CNBD1: variants seen among roughly 807,000 people sequenced by gnomAD.
The protein encoded by CNBD1 is cyclic nucleotide-binding domain-containing protein 1.
CNBD1 carries 71 observed loss-of-function variants against 54.4 expected under a neutral mutation model. That is an observed-to-expected ratio of 1.30 (90% CI 1.08 to 1.59). The LOEUF (loss-of-function observed/expected upper bound fraction) is 1.59. Ranked by LOEUF, CNBD1 falls within the 40% of genes most tolerant of loss-of-function variation. The pLI, the probability that CNBD1 is intolerant of heterozygous loss-of-function variation, is 0.00. For synonymous variants in CNBD1, 182 were observed against 170.7 expected (o/e 1.07, Z -0.51); for missense variants, 659 against 518.0 (o/e 1.27, Z -2.64).
intron 2 of CNBD1, among the ~76,000 whole-genome samples, chr8:86,891,172 T>A (rs1437418324): frequency 1.3e-5 from 2 of 152,048 alleles, no homozygotes; most frequent in East Asian, 1.9e-4. Flanking sequence ...CTTAGACCAA[T>A]GTCATGGAAC....
intron 3 of CNBD1, among the ~76,000 whole-genome samples, chr8:86,925,592 A>C (rs1809345521): frequency 6.6e-6 from 1 of 150,928 alleles, no homozygotes; most frequent in African/African-American, 2.4e-5. Flanking sequence ...GGAACTGATA[A>C]AGGAAAAAAG....
chr8:87,029,274 G>C (rs898649018), intron 4 of CNBD1, among the ~76,000 whole-genome samples: 1 of 152,114 alleles, frequency 6.6e-6, no homozygotes, highest in African/African-American at 2.4e-5. Context: ...GTGGAGCATA[G>C]TGCAGTATTA....
At chr8:87,152,693 CAT>C (rs1348809465) in intron 4 of CNBD1, among the ~76,000 whole-genome samples, 5 of 152,212 alleles carry the variant, frequency 3.3e-5, no homozygotes, top group Non-Finnish European at 2.9e-5. Context: ...TCCATCCTCA[CAT>C]GTGTTTCACA....
At chr8:87,296,957 C>T (rs1250123891) in intron 8 of CNBD1, among the ~76,000 whole-genome samples, 4 of 151,812 alleles carry the variant, frequency 2.6e-5, no homozygotes, top group Admixed American at 1.3e-4. Flanking sequence ...GGGCGGATCA[C>T]GAAGTCGGGA....
intron 9 of CNBD1, 56 bp from the exon 10 acceptor site, chr8:87,353,580 T>C (rs1042993829): frequency 2.6e-6 from 3 of 1,145,570 alleles, no homozygotes; most frequent in Non-Finnish European, 3.8e-6. Flanking sequence ...AAAACAATAC[T>C]GATTCATTAT....
In CNBD1 at chr8:87,077,956, T is replaced by C. The variant is rs563902194; in HGVS notation, c.432-128037T>C. 2.1e-4 allele frequency among the ~76,000 whole-genome samples: 32 copies of C among 152,192 alleles called. 1 individual carries two copies. The South Asian group carries it at 6.7e-3, about 32-fold the overall frequency. On this transcript the variant is annotated intron_variant, in intron 4 of 10. Coordinates refer to ENST00000518476, the MANE Select transcript of CNBD1 (RefSeq NM_173538.3). ...CCACTAATGGGATCACTGGGTCAAA[T>C]GGTATTTCTAAAAGGACACTAATCC...
intron 2 of CNBD1, among the ~76,000 whole-genome samples, chr8:87,391,148 G>C (rs1035408568): frequency 6.6e-6 from 1 of 152,024 alleles, no homozygotes; most frequent in African/African-American, 2.4e-5. Flanking sequence ...GTTAAATGAA[G>C]AGATAATTGG....
At chr8:87,310,541 A>G (rs1809243439) in intron 8 of CNBD1, among the ~76,000 whole-genome samples, 1 of 152,182 alleles carries the variant, frequency 6.6e-6, no homozygotes, top group Non-Finnish European at 1.5e-5. Flanking sequence ...CAGTATTGTT[A>G]AAATGGCCAT....
chr8:87,405,189 C>A (rs1586082288), intron 2 of CNBD1, among the ~76,000 whole-genome samples: 3 of 152,000 alleles, frequency 2.0e-5, no homozygotes, highest in Admixed American at 6.6e-5. Flanking sequence ...TAAATTTAGG[C>A]TTTGGACTGA....
chr8:87,316,864 T>G (rs1809396819), intron 8 of CNBD1, among the ~76,000 whole-genome samples: 1 of 151,804 alleles, frequency 6.6e-6, no homozygotes, highest in South Asian at 2.1e-4. Flanking sequence ...ATACAAGTAT[T>G]AATCGATATG....
rs542725897 is a variant in CNBD1, at chr8:87,388,428, G to A, written c.213+34642G>A. On this transcript the variant is annotated intron_variant, in intron 2 of 7. Transcript: ENST00000521593. ...AAATGATAAAGGGGATATCACCACC[G>A]ATCCCACAGAAATACAAACTACCAT... Among the ~76,000 whole-genome samples, 607 of 152,038 alleles carry A rather than the reference G, an allele frequency of 4.0e-3. 8 individuals are homozygous for A. Among genetic ancestry groups the A allele is most frequent in the African/African-American group, 0.013 (556 of 41,444 alleles).
intron 1 of CNBD1, 33 bp downstream of exon 1, chr8:86,866,616 C>A: frequency 6.6e-7 from 1 of 1,511,350 alleles, no homozygotes; most frequent in Non-Finnish European, 9.1e-7. Context: ...CTCTTATTCA[C>A]CTACCATTGT....
intron 4 of CNBD1, among the ~76,000 whole-genome samples, chr8:87,095,924 T>C (rs571557315): frequency 1.3e-3 from 204 of 152,254 alleles, no homozygotes; most frequent in Middle Eastern, 3.4e-3. Context: ...TCCCAAAATG[T>C]TGGGATTACA....
chr8:87,411,756 A>C (rs1159091133), intron 2 of CNBD1, among the ~76,000 whole-genome samples: 1 of 151,380 alleles, frequency 6.6e-6, no homozygotes, highest in Non-Finnish European at 1.5e-5. Context: ...GGGTTCATGT[A>C]AGTTCATTGT....
intron 4 of CNBD1, among the ~76,000 whole-genome samples, chr8:86,974,714 A>G (rs527496584): frequency 7.9e-5 from 12 of 152,090 alleles, no homozygotes; most frequent in Admixed American, 3.9e-4. Flanking sequence ...AGTAATACCA[A>G]ATATAATATT....
intron 4 of CNBD1, among the ~76,000 whole-genome samples, chr8:87,159,864 G>T (rs1258237476): frequency 3.9e-5 from 6 of 151,942 alleles, no homozygotes; most frequent in African/African-American, 1.2e-4. Flanking sequence ...TTCAACTAAT[G>T]ATATAGTAGC....
At chr8:87,374,652 G>A (rs1810888596) in intron 10 of CNBD1, among the ~76,000 whole-genome samples, 1 of 151,712 alleles carries the variant, frequency 6.6e-6, no homozygotes. Context: ...AACTGGCTCT[G>A]GTTAATAGAA....
chr8:87,192,802 C>T (rs1266346818), intron 4 of CNBD1, among the ~76,000 whole-genome samples: 1 of 152,140 alleles, frequency 6.6e-6, no homozygotes, highest in Admixed American at 6.6e-5. Context: ...ATTCTTTTAA[C>T]TAGCATAGTC....
chr8:87,151,116 C>A (rs1274124272), intron 4 of CNBD1, among the ~76,000 whole-genome samples: 1 of 152,140 alleles, frequency 6.6e-6, no homozygotes, highest in Non-Finnish European at 1.5e-5. Flanking sequence ...TGGCAGGAAG[C>A]AGAAAGACTG....
Sources: allele counts gnomAD v4.1 joint callset (sites outside exome capture counted in the v4.1 genomes callset), GRCh38; gene constraint gnomAD v4.1.1; transcripts MANE v1.5; gene names NCBI Gene and HGNC (gene_info 2026-07-23, HGNC 2026-07-21).